DOCK9: variants seen among roughly 807,000 people sequenced by gnomAD.
The protein encoded by DOCK9 is dedicator of cytokinesis protein 9.
In DOCK9, 89 loss-of-function variants were observed where a neutral mutation model predicts 263.3. That is an observed-to-expected ratio of 0.34 (90% CI 0.28 to 0.40). The LOEUF (loss-of-function observed/expected upper bound fraction) is 0.40, where lower values mean the gene tolerates loss of function less well. Ranked by LOEUF, DOCK9 falls within the 10% of genes least tolerant of loss-of-function variation. DOCK9 has a pLI of 1.00. For missense variants in DOCK9, 2,140 were observed against 2,603.4 expected, an observed-to-expected ratio of 0.82 and a Z score of 3.87; for synonymous variants, 976 against 973.1, an observed-to-expected ratio of 1.00 and a Z score of -0.06.
intron 1 of DOCK9, among the ~76,000 whole-genome samples, chr13:98,995,315 T>A (rs976903018): frequency 3.9e-5 from 6 of 152,160 alleles, no homozygotes; most frequent in Non-Finnish European, 1.5e-5. Flanking sequence ...TATTGGGAGA[T>A]GTGCTGACCA....
chr13:98,849,451 T>G (rs2093496231), intron 36 of DOCK9, among the ~76,000 whole-genome samples: 1 of 151,094 alleles, frequency 6.6e-6, no homozygotes, highest in South Asian at 2.1e-4. Context: ...TTTTTTTTAT[T>G]ATAGAGAGAT....
rs2093796010 is a variant in DOCK9 at position 98,859,541 on chromosome 13, A to G, written c.3697+864T>C. On this transcript the variant is annotated intron_variant, in intron 33 of 52. Transcript: ENST00000682017. The stretch of plus-strand genomic sequence containing the variant: ...GTAAAGACATAATCTCAGAGTGGGC[A>G]AGTCCTGTGAGTTAATTGGATAAAG... 2.0e-5 allele frequency: 3 copies of G among 152,102 alleles called. No individual in the cohort carries two copies. The South Asian group carries it at 6.2e-4, about 32-fold the overall frequency. 9.4% of individuals were successfully genotyped at this position (152,102 alleles called of 1,614,324 possible). A position where few individuals can be genotyped will look rare whatever the true frequency, so the allele number is the denominator to read the frequency against.
intron 1 of DOCK9, among the ~76,000 whole-genome samples, chr13:99,034,434 T>C (rs906999125): frequency 2.0e-5 from 3 of 152,134 alleles, no homozygotes; most frequent in Non-Finnish European, 4.4e-5. Context: ...GAGAACAATA[T>C]GTGGTGGGAA....
chr13:98,896,799 A>T (rs1361392868), intron 15 of DOCK9, among the ~76,000 whole-genome samples: 2 of 152,144 alleles, frequency 1.3e-5, no homozygotes, highest in Non-Finnish European at 2.9e-5. Flanking sequence ...CCTCATTGTT[A>T]TGGGTTGAAT....
At chr13:98,955,216 G>A (rs2057903033) in intron 2 of DOCK9, among the ~76,000 whole-genome samples, 1 of 152,120 alleles carries the variant, frequency 6.6e-6, no homozygotes, top group South Asian at 2.1e-4. Flanking sequence ...TACTTGAGAG[G>A]CTGAGGCAGG....
chr13:98,870,832 A>C (rs2094165489), intron 27 of DOCK9, among the ~76,000 whole-genome samples: 1 of 151,940 alleles, frequency 6.6e-6, no homozygotes, highest in African/African-American at 2.4e-5. Flanking sequence ...GGCTACCATC[A>C]GCCAAATCTA....
chr13:99,065,057 C>T (rs2041356072), intron 1 of DOCK9, among the ~76,000 whole-genome samples: 1 of 152,144 alleles, frequency 6.6e-6, no homozygotes, highest in South Asian at 2.1e-4. Context: ...TCACCACACT[C>T]CCAGCACAGT....
rs2058267260 is a variant in DOCK9 at position 98,958,155 on chromosome 13, C to T, written c.127-2604G>A. 2.0e-5 allele frequency among the ~76,000 whole-genome samples: 3 copies of T among 152,238 alleles called. 1 individual carries two copies. Among genetic ancestry groups the T allele is most frequent in the Admixed American group, 2.0e-4 (3 of 15,290 alleles). On this transcript the variant is annotated intron_variant, in intron 1 of 52. Transcript: ENST00000682017. ...GGGGATTTTTTGGGCTTTGTTCCTACAGCAGGGCAGCCAGGAGGCTTTCTG... is the reference window on the plus strand; with the variant it reads ...GGGGATTTTTTGGGCTTTGTTCCTATAGCAGGGCAGCCAGGAGGCTTTCTG...
At chr13:98,815,581 T>C (rs1208174477) in intron 45 of DOCK9, among the ~76,000 whole-genome samples, 7 of 151,742 alleles carry the variant, frequency 4.6e-5, no homozygotes, top group East Asian at 1.9e-4. Flanking sequence ...CCCGGGTTCA[T>C]GGCCATTCTC....
chr13:99,084,419 A>G (rs1013788984), intron 1 of DOCK9, among the ~76,000 whole-genome samples: 1 of 152,204 alleles, frequency 6.6e-6, no homozygotes, highest in Non-Finnish European at 1.5e-5. Flanking sequence ...GTGACCACAG[A>G]CAGACGAGAC....
intron 15 of DOCK9, 128 bp downstream of exon 15, chr13:98,897,360 G>T: frequency 8.6e-7 from 1 of 1,160,000 alleles, no homozygotes; most frequent in Non-Finnish European, 1.2e-6. Context: ...TTGAGGAAAT[G>T]CTTCACGCTC....
chr13:99,072,328 G>A lies in DOCK9; in HGVS notation c.129+13895C>T, dbSNP rs149057716. Among the ~76,000 whole-genome samples the A allele has an allele frequency of 8.7e-4, 132 of 152,250 alleles. 1 individual carries two copies. The highest frequency in any genetic ancestry group is 3.0e-3 in the African/African-American group (126 of 41,522). On this transcript the variant is annotated intron_variant, in intron 1 of 32. Transcript: ENST00000427887. Reference sequence around the variant, plus strand: ...AGGTCCTTATGGCCCCTGATTTAGAGGGTGAAGTAGGACATTGTGTTTGGG... The same window carrying A: ...AGGTCCTTATGGCCCCTGATTTAGAAGGTGAAGTAGGACATTGTGTTTGGG...
At chr13:99,064,748 A>T (rs1270474898) in intron 1 of DOCK9, among the ~76,000 whole-genome samples, 3 of 152,218 alleles carry the variant, frequency 2.0e-5, no homozygotes, top group African/African-American at 4.8e-5. Context: ...ACAGTGGTGG[A>T]GAAGACAGCT....
At chr13:98,861,955 T>C (rs2093883990) in intron 32 of DOCK9, among the ~76,000 whole-genome samples, 1 of 152,294 alleles carries the variant, frequency 6.6e-6, no homozygotes, top group South Asian at 2.1e-4. Context: ...TGGCCTTTCT[T>C]AGACTGTGCA....
intron 45 of DOCK9, among the ~76,000 whole-genome samples, chr13:98,823,141 G>C (rs1198773036): frequency 2.7e-5 from 4 of 149,718 alleles, no homozygotes; most frequent in Non-Finnish European, 5.9e-5. Context: ...AAAAAAAAAA[G>C]AGTGAAGAGT....
chr13:98,848,495 A>T (rs532648315), intron 37 of DOCK9, 97 bp downstream of exon 37: 2 of 1,327,592 alleles, frequency 1.5e-6, no homozygotes, highest in African/African-American at 2.9e-5. Flanking sequence ...GCTTCCATGA[A>T]CCCCAACTGC....
intron 27 of DOCK9, among the ~76,000 whole-genome samples, chr13:98,871,487 G>A (rs1296904893): frequency 2.0e-5 from 3 of 152,200 alleles, no homozygotes; most frequent in Non-Finnish European, 2.9e-5. Context: ...GTTGTTAAGA[G>A]TCCTAATTGT....
At chr13:98,909,527 C>T (rs1300686333) in intron 9 of DOCK9, among the ~76,000 whole-genome samples, 1 of 152,078 alleles carries the variant, frequency 6.6e-6, no homozygotes, top group Non-Finnish European at 1.5e-5. Context: ...GAGGACTTTG[C>T]AAAATGTTTT....
At chr13:99,018,710 C>T (rs1041387901) in intron 1 of DOCK9, among the ~76,000 whole-genome samples, 1 of 152,142 alleles carries the variant, frequency 6.6e-6, no homozygotes, top group African/African-American at 2.4e-5. Context: ...TCAGAATGAA[C>T]TTGAGTTGTT....
Sources: gnomAD v4.1 joint callset for allele counts (sites outside exome capture counted in the v4.1 genomes callset) on GRCh38, gnomAD v4.1.1 for gene constraint, MANE v1.5 for transcripts, NCBI Gene and HGNC (gene_info 2026-07-23, HGNC 2026-07-21) for gene names.